Variants in MPPED2 observed in about 807,000 individuals in gnomAD.
MPPED2 encodes the protein metallophosphoesterase domain containing 2, also known as metallophosphoesterase MPPED2.
Under a neutral mutation model 33.0 loss-of-function variants are expected in MPPED2, and 5 were observed. The ratio of observed to expected loss-of-function variants is 0.15; its 90% confidence interval spans 0.08 to 0.32. MPPED2 has a LOEUF of 0.32. Among genes scored for constraint, MPPED2 ranks in the 10% least tolerant of loss-of-function variants. The probability of loss-of-function intolerance (pLI) is 1.00; values close to 1 mark genes in which losing one functional copy is unlikely to be tolerated. For synonymous variants in MPPED2, 136 were observed against 141.9 expected (o/e 0.96, Z 0.29); for missense variants, 275 against 372.1 (o/e 0.74, Z 2.15).
At chr11:30,530,407 G>C (rs1192859294) in intron 3 of MPPED2, among the ~76,000 whole-genome samples, 1 of 152,190 alleles carries the variant, frequency 6.6e-6, no homozygotes, top group Non-Finnish European at 1.5e-5. Flanking sequence ...GGCATACCAA[G>C]AGCACTCATT....
chr11:30,419,691 C>G (rs1453183750), intron 4 of MPPED2, among the ~76,000 whole-genome samples: 1 of 152,132 alleles, frequency 6.6e-6, no homozygotes, highest in Non-Finnish European at 1.5e-5. Context: ...GAGAGTCACC[C>G]TCAGGATTTG....
chr11:30,441,416 A>C (rs867017968), intron 4 of MPPED2: 3 of 152,230 alleles, frequency 2.0e-5, no homozygotes, highest in African/African-American at 7.2e-5. Flanking sequence ...TTCTATGTGG[A>C]AAATCAGAAA....
At chr11:30,576,028 C>T (rs576718662) in intron 2 of MPPED2, among the ~76,000 whole-genome samples, 1 of 152,220 alleles carries the variant, frequency 6.6e-6, no homozygotes, top group African/African-American at 2.4e-5. Flanking sequence ...AAATTAAAAA[C>T]CCAGAATCAA....
intron 3 of MPPED2, among the ~76,000 whole-genome samples, chr11:30,516,643 T>C (rs1478819179): frequency 6.6e-6 from 1 of 152,204 alleles, no homozygotes; most frequent in African/African-American, 2.4e-5. Context: ...TCTGTCAGTC[T>C]TGCATTAACA....
intron 3 of MPPED2, among the ~76,000 whole-genome samples, chr11:30,514,381 C>T (rs926853208): frequency 2.6e-5 from 4 of 152,156 alleles, no homozygotes; most frequent in South Asian, 2.1e-4. Context: ...CCTGGAACTT[C>T]GGCAGCAGTC....
Position 30,496,225 on chromosome 11 carries a change from T to A in MPPED2, c.311-704A>T, listed in dbSNP as rs187986717. 1.3e-3 allele frequency among the ~76,000 whole-genome samples: 199 copies of A among 152,292 alleles called. No individual in the cohort carries two copies. The Middle Eastern group carries it at 0.017, about 13-fold the overall frequency. On this transcript the variant is annotated intron_variant, in intron 3 of 6. Transcript: ENST00000358117. ...GTGTGCTTTTTATGCAAAAGTTTCC[T>A]GATCAAAATGAGATAATTCTGGGAA...
At chr11:30,549,701 CCTA>C (rs1955607488) in intron 2 of MPPED2, among the ~76,000 whole-genome samples, 2 of 152,134 alleles carry the variant, frequency 1.3e-5, no homozygotes, top group Admixed American at 6.5e-5. Context: ...CTCCCTGTGC[CCTA>C]CTATTAGAGC....
downstream of MPPED2, among the ~76,000 whole-genome samples, chr11:30,405,898 G>A (rs1399834720): frequency 6.6e-6 from 1 of 152,098 alleles, no homozygotes; most frequent in African/African-American, 2.4e-5. Flanking sequence ...CTACAAGTGT[G>A]GAATCTGAGG....
chr11:30,457,781 G>A (rs1006032425), intron 4 of MPPED2, among the ~76,000 whole-genome samples: 3 of 152,120 alleles, frequency 2.0e-5, no homozygotes, highest in Non-Finnish European at 4.4e-5. Context: ...TGCTGTTTGG[G>A]TATTCTAGAA....
downstream of MPPED2, chr11:30,410,221 G>A (rs527848374): frequency 4.0e-4 from 394 of 985,598 alleles, no homozygotes; most frequent in Non-Finnish European, 4.4e-4. Context: ...TAAACAGCAC[G>A]AATTTAAAAA....
intron 3 of MPPED2, among the ~76,000 whole-genome samples, 181 bp from the exon 4 acceptor site, chr11:30,495,702 G>A (rs1162244091): frequency 1.3e-5 from 2 of 152,064 alleles, no homozygotes; most frequent in African/African-American, 4.8e-5. Flanking sequence ...GACAATAACG[G>A]GAAATAGGAA....
downstream of MPPED2, among the ~76,000 whole-genome samples, chr11:30,408,500 C>T (rs534768218): frequency 2.0e-5 from 3 of 152,050 alleles, no homozygotes; most frequent in Non-Finnish European, 2.9e-5. Flanking sequence ...TTAGTAGAGA[C>T]GGGGTTTCAC....
At chr11:30,575,112 C>T (rs1590917863) in intron 2 of MPPED2, among the ~76,000 whole-genome samples, 1 of 152,086 alleles carries the variant, frequency 6.6e-6, no homozygotes, top group African/African-American at 2.4e-5. Context: ...CAAACAAAAT[C>T]TTGTAGTACT....
chr11:30,404,383 C>T (rs1571853), intron 6 of MPPED2, among the ~76,000 whole-genome samples: 2,011 of 152,270 alleles, frequency 0.013, 82 homozygotes, highest in Admixed American at 0.077. Flanking sequence ...TGGTGCATTT[C>T]GTCAATGGCA....
At chr11:30,532,932 C>T (rs1038856101) in intron 3 of MPPED2, among the ~76,000 whole-genome samples, 1 of 152,156 alleles carries the variant, frequency 6.6e-6, no homozygotes, top group Non-Finnish European at 1.5e-5. Flanking sequence ...CTTGCAGTTG[C>T]TAAGTCAAGG....
chr11:30,511,627 G>A (rs186522344), intron 3 of MPPED2, among the ~76,000 whole-genome samples: 2 of 152,228 alleles, frequency 1.3e-5, no homozygotes, highest in African/African-American at 2.4e-5. Context: ...ACATGTGCAC[G>A]TGCACACACA....
intron 1 of MPPED2, among the ~76,000 whole-genome samples, chr11:30,582,104 T>C (rs1957193349): frequency 1.3e-5 from 2 of 152,200 alleles, no homozygotes; most frequent in Admixed American, 6.5e-5. Context: ...TCTCCCACAA[T>C]TATATTTTAC....
At chr11:30,432,859 A>G (rs1045579431) in intron 4 of MPPED2, among the ~76,000 whole-genome samples, 8 of 152,206 alleles carry the variant, frequency 5.3e-5, no homozygotes, top group African/African-American at 1.7e-4. Context: ...CTAAAGTGTC[A>G]TGGTATGGAA....
chr11:30,571,709 ACT>A (rs1280601359), intron 2 of MPPED2, among the ~76,000 whole-genome samples: 2 of 152,126 alleles, frequency 1.3e-5, no homozygotes, highest in African/African-American at 4.8e-5. Context: ...ATCTTCCAAG[ACT>A]CAGTAAGCTT....
Sources: allele counts gnomAD v4.1 joint callset (sites outside exome capture counted in the v4.1 genomes callset), GRCh38; gene constraint gnomAD v4.1.1; transcripts MANE v1.5; gene names NCBI Gene and HGNC (gene_info 2026-07-23, HGNC 2026-07-21).